SNTG2: variants seen among roughly 807,000 people sequenced by gnomAD.
SNTG2 encodes the protein gamma-2-syntrophin.
A neutral mutation model predicts 70.9 loss-of-function variants in SNTG2; 74 were observed. That is an observed-to-expected ratio of 1.04 (90% CI 0.86 to 1.27). SNTG2 has a LOEUF of 1.27. SNTG2 is among the 50% of genes most tolerant of loss of function. The pLI, the probability that SNTG2 is intolerant of heterozygous loss-of-function variation, is 0.00. For missense variants in SNTG2, 717 were observed against 690.7 expected (o/e 1.04, Z -0.43); for synonymous variants, 278 against 273.8 (o/e 1.02, Z -0.15).
At chr2:1,203,964 T>C (rs1184889587) in intron 8 of SNTG2, among the ~76,000 whole-genome samples, 1 of 152,146 alleles carries the variant, frequency 6.6e-6, no homozygotes, top group East Asian at 1.9e-4. Context: ...TAAAAATGAA[T>C]AATTTGCTGA....
chr2:1,028,359 A>G (rs1045741723), intron 1 of SNTG2, among the ~76,000 whole-genome samples: 4 of 152,252 alleles, frequency 2.6e-5, no homozygotes, highest in South Asian at 2.1e-4. Flanking sequence ...CTGGCTGCAC[A>G]TCCTACGCTT....
chr2:1,273,313 C>T (rs10210677), intron 14 of SNTG2, among the ~76,000 whole-genome samples: 14,098 of 101,864 alleles, frequency 0.14, 710 homozygotes, highest in South Asian at 0.23. Flanking sequence ...AGAAATTTTT[C>T]TGATAATTTC....
intron 16 of SNTG2, among the ~76,000 whole-genome samples, chr2:1,337,340 T>C (rs1207845671): frequency 1.3e-5 from 2 of 152,174 alleles, no homozygotes; most frequent in Non-Finnish European, 1.5e-5. Flanking sequence ...GGTTCCAGTT[T>C]CTCCACATCC....
rs112516799 is a variant in SNTG2 at position 1,161,883 on chromosome 2, G to A, written c.412-3665G>A. Among the ~76,000 whole-genome samples the A allele has an allele frequency of 8.7e-3, 1,322 of 152,128 alleles. 13 individuals are homozygous for A. Among genetic ancestry groups the A allele is most frequent in the Non-Finnish European group, 0.014 (959 of 67,986 alleles). ...AGGTCAGGAGATCGAGACCATCCTG[G>A]CTAACACGGTGAAACCCCGTCTCTA... On this transcript the variant is annotated intron_variant, in intron 6 of 16. Transcript: ENST00000308624.
chr2:978,727 G>A lies in SNTG2; in HGVS notation c.72+27659G>A, dbSNP rs73908628. On this transcript the variant is annotated intron_variant, in intron 1 of 16. Coordinates refer to ENST00000308624, the MANE Select transcript of SNTG2 (RefSeq NM_018968.4). ...GGATATTTTAATGTGTGCAATAAGC[G>A]GATGTCTTATGCACAAAAGGAGTTC... 3.3e-3 allele frequency among the ~76,000 whole-genome samples: 503 copies of A among 151,518 alleles called. 2 individuals carry two copies. Among genetic ancestry groups the A allele is most frequent in the African/African-American group, 0.012 (484 of 40,856 alleles).
At chr2:982,569 T>C (rs966395831) in intron 1 of SNTG2, among the ~76,000 whole-genome samples, 5 of 152,324 alleles carry the variant, frequency 3.3e-5, no homozygotes, top group African/African-American at 1.2e-4. Flanking sequence ...AAATACGAAA[T>C]GTGATTCCAA....
chr2:1,148,380 C>T (rs1415723397), intron 6 of SNTG2, among the ~76,000 whole-genome samples: 2 of 152,170 alleles, frequency 1.3e-5, no homozygotes, highest in African/African-American at 4.8e-5. Flanking sequence ...GACATCACCT[C>T]GTGTTCCCAG....
chr2:1,301,485 A>G (rs1680453674), intron 14 of SNTG2, among the ~76,000 whole-genome samples: 1 of 152,176 alleles, frequency 6.6e-6, no homozygotes, highest in Admixed American at 6.5e-5. Context: ...TATTCCAGAA[A>G]CTGAACAAAC....
intron 16 of SNTG2, among the ~76,000 whole-genome samples, chr2:1,322,525 TA>T (rs888367645): frequency 2.0e-5 from 3 of 152,140 alleles, no homozygotes; most frequent in African/African-American, 7.2e-5. Context: ...GGAGAAATAA[TA>T]AAAATTAATA....
At chr2:1,181,900 T>A (rs1206929116) in intron 8 of SNTG2, among the ~76,000 whole-genome samples, 1 of 152,150 alleles carries the variant, frequency 6.6e-6, no homozygotes, top group Non-Finnish European at 1.5e-5. Flanking sequence ...TACTAAACAT[T>A]TATAATGAAG....
intron 16 of SNTG2, among the ~76,000 whole-genome samples, chr2:1,340,143 A>T (rs1660011814): frequency 6.6e-6 from 1 of 152,242 alleles, no homozygotes; most frequent in Admixed American, 6.5e-5. Flanking sequence ...ACTGGAGCTA[A>T]CAATTAAAGC....
chr2:1,143,195 A>T (rs1668868352), intron 6 of SNTG2, among the ~76,000 whole-genome samples: 1 of 129,280 alleles, frequency 7.7e-6, no homozygotes, highest in Non-Finnish European at 1.6e-5. Context: ...CTGTAGAGAG[A>T]CTCACTGCCT....
intron 1 of SNTG2, among the ~76,000 whole-genome samples, chr2:1,034,739 T>C (rs1433402907): frequency 1.3e-5 from 2 of 152,212 alleles, no homozygotes; most frequent in Non-Finnish European, 2.9e-5. Context: ...ATTAGATACC[T>C]ACAAAGAGAG....
intron 4 of SNTG2, among the ~76,000 whole-genome samples, chr2:1,104,753 T>TA (rs1245612370): frequency 6.6e-6 from 1 of 152,156 alleles, no homozygotes; most frequent in Non-Finnish European, 1.5e-5. Context: ...TTTGAGTGAA[T>TA]AGGGCTTGCT....
At chr2:1,000,962 G>A (rs757802633) in intron 1 of SNTG2, among the ~76,000 whole-genome samples, 1 of 151,852 alleles carries the variant, frequency 6.6e-6, no homozygotes, top group Non-Finnish European at 1.5e-5. Context: ...TGCAATGAAG[G>A]TATATGCAAA....
At chr2:1,054,953 GT>G (rs200083935) in intron 1 of SNTG2, among the ~76,000 whole-genome samples, 41 of 150,410 alleles carry the variant, frequency 2.7e-4, no homozygotes, top group African/African-American at 9.3e-4. Context: ...TTTTGTTTTT[GT>G]TTTTTTTTCC....
At chr2:1,012,198 G>A (rs1359608685) in intron 1 of SNTG2, among the ~76,000 whole-genome samples, 1 of 152,214 alleles carries the variant, frequency 6.6e-6, no homozygotes, top group African/African-American at 2.4e-5. Context: ...ACTAAGCGTG[G>A]GGAACTGTCA....
At chr2:1,026,307 G>A (rs570950757) in intron 1 of SNTG2, among the ~76,000 whole-genome samples, 18 of 152,272 alleles carry the variant, frequency 1.2e-4, no homozygotes, top group African/African-American at 3.8e-4. Flanking sequence ...AGCACTTAGC[G>A]TGAACACTGA....
chr2:951,414 C>T (rs1659958142), intron 1 of SNTG2, among the ~76,000 whole-genome samples: 1 of 152,206 alleles, frequency 6.6e-6, no homozygotes, highest in South Asian at 2.1e-4. Context: ...GGCATTGCTT[C>T]CCAGGAGCGG....
Sources: allele counts gnomAD v4.1 joint callset (sites outside exome capture counted in the v4.1 genomes callset), GRCh38; gene constraint gnomAD v4.1.1; transcripts MANE v1.5; gene names NCBI Gene and HGNC (gene_info 2026-07-23, HGNC 2026-07-21).